The following SF3B3 variants were observed in gnomAD, a reference collection of about 807,000 sequenced individuals.
SF3B3 encodes SAP 130.
SF3B3 carries 33 observed loss-of-function variants against 139.2 expected under a neutral mutation model. That is an observed-to-expected ratio of 0.24 (90% CI 0.18 to 0.32). The LOEUF is 0.32. Ranked by LOEUF, SF3B3 falls within the 10% of genes least tolerant of loss-of-function variation. The pLI is 1.00. For missense variants in SF3B3, 818 were observed against 1,509.4 expected (o/e 0.54, Z 7.59); for synonymous variants, 596 against 563.6 (o/e 1.06, Z -0.81).
chr16:70,556,505 C>G (rs1386454174), intron 14 of SF3B3, 171 bp downstream of exon 14: 2 of 705,966 alleles, frequency 2.8e-6, no homozygotes, highest in Non-Finnish European at 4.8e-6. Flanking sequence ...TCAGGAGTTT[C>G]CTGCTGTGGT....
intron 11 of SF3B3, among the ~76,000 whole-genome samples, chr16:70,551,530 C>T (rs2050325197): frequency 6.6e-6 from 1 of 152,144 alleles, no homozygotes; most frequent in Non-Finnish European, 1.5e-5. Flanking sequence ...TGGAGAAACC[C>T]TGTCTCTACT....
chr16:70,546,200 G>A (rs1474409834), intron 10 of SF3B3, among the ~76,000 whole-genome samples: 3 of 152,016 alleles, frequency 2.0e-5, no homozygotes, highest in Admixed American at 1.3e-4. Flanking sequence ...TGAACTCCTG[G>A]GCTCAAGTGA....
At position 70,534,273 on chromosome 16, in the gene SF3B3, C is replaced by A. The variant is rs75121050; in HGVS notation, c.713-1035C>A. Among the ~76,000 whole-genome samples the A allele has an allele frequency of 4.3e-3, 647 of 152,118 alleles. 16 individuals carry two copies. The East Asian group carries it at 0.071, about 17-fold the overall frequency. On this transcript the variant is annotated intron_variant, in intron 5 of 25. Coordinates refer to ENST00000302516, the MANE Select transcript of SF3B3 (RefSeq NM_012426.5). ...AATACAAGAAATAACATGGTCCATT[C>A]AAATAATTAAAAGCTCATTATGATT...
chr16:70,525,957 CAAAAAAAAAA>C (rs920550920), intron 1 of SF3B3, among the ~76,000 whole-genome samples: 6,355 of 42,280 alleles, frequency 0.15, 192 homozygotes, highest in Non-Finnish European at 0.19. Flanking sequence ...TGAGACGCCT[CAAAAAAAAAA>C]AAAAAAAAAA....
chr16:70,537,134 A>C (rs2050176621), intron 6 of SF3B3, among the ~76,000 whole-genome samples: 1 of 152,148 alleles, frequency 6.6e-6, no homozygotes, highest in African/African-American at 2.4e-5. Flanking sequence ...AGTCTGTCCC[A>C]TAGTTTGTTT....
rs2050566559 is a variant in SF3B3, at chr16:70,575,187, C to CTTTTTTTTCTTTTTTTTTTTT, written c.*3383_*3403dup. ...TTCTCTTTTTTTTCTTTTTCTTTTT[C>CTTTTTTTTCTTTTTTTTTTTT]TTTTTTTTCTTTTTTTTTTTTTTTT... On this transcript the variant is annotated 3_prime_UTR_variant, in exon 26 of 26. Transcript: ENST00000302516. The CTTTTTTTTCTTTTTTTTTTTT allele has an allele frequency of 4.6e-5, 6 of 130,114 alleles. No homozygotes were observed. Among genetic ancestry groups the CTTTTTTTTCTTTTTTTTTTTT allele is most frequent in the Non-Finnish European group, 8.1e-5 (5 of 61,698 alleles). 8.1% of individuals were successfully genotyped at this position (130,114 alleles called of 1,614,324 possible).
chr16:70,524,167 T>G, intron 1 of SF3B3: 1 of 288,798 alleles, frequency 3.5e-6, no homozygotes, highest in Non-Finnish European at 6.3e-6. Flanking sequence ...AGATTGCTTT[T>G]AACTTCTGGG....
intron 13 of SF3B3, among the ~76,000 whole-genome samples, chr16:70,555,477 CAAAAAAAAAAA>C (rs33955800): frequency 5.5e-5 from 4 of 73,114 alleles, no homozygotes; most frequent in Non-Finnish European, 7.8e-5. Flanking sequence ...GACTCCGTCT[CAAAAAAAAAAA>C]AAAAAAAAAA....
chr16:70,566,137 T>C (rs920383275), intron 20 of SF3B3, among the ~76,000 whole-genome samples: 1 of 151,598 alleles, frequency 6.6e-6, no homozygotes, highest in East Asian at 2.0e-4. Context: ...AGATTTAATA[T>C]TCTTTTCCAC....
intron 8 of SF3B3, among the ~76,000 whole-genome samples, chr16:70,541,189 G>C (rs1226261971): frequency 1.3e-5 from 2 of 152,152 alleles, no homozygotes; most frequent in Admixed American, 6.5e-5. Flanking sequence ...GCCTTTCCCC[G>C]GTGATGAGTG....
intron 13 of SF3B3, among the ~76,000 whole-genome samples, chr16:70,555,500 A>AAAAAAAAAAAAAAAAAG (rs1555500454): frequency 1.4e-5 from 2 of 141,466 alleles, no homozygotes; most frequent in Non-Finnish European, 1.5e-5. Context: ...AAAAAAAAAA[A>AAAAAAAAAAAAAAAAAG]GCGAGCTGGA....
At chr16:70,562,140 G>T (rs765860986) in intron 17 of SF3B3, among the ~76,000 whole-genome samples, 1 of 152,194 alleles carries the variant, frequency 6.6e-6, no homozygotes, top group Non-Finnish European at 1.5e-5. Flanking sequence ...GTCATTTGCG[G>T]TATTAAATCT....
Position 70,560,463 on chromosome 16 carries a change from G to T in SF3B3, c.2011-6G>T. On this transcript the variant is annotated splice_region_variant and splice_polypyrimidine_tract_variant and intron_variant, in intron 15 of 25. Transcript: ENST00000302516. ...AGGCTTCACCTGCTCCTCTCCTTTT[G>T]ATTAGAACGGTGTGCTGCTGAGGAC... 1 of 1,613,024 alleles carries T rather than the reference G, an allele frequency of 6.2e-7. No individual in the cohort carries two copies. The highest frequency in any genetic ancestry group is 1.1e-5 in the South Asian group (1 of 90,962).
chr16:70,537,953 G>A, intron 6 of SF3B3: 1 of 504,118 alleles, frequency 2.0e-6, no homozygotes, highest in Non-Finnish European at 3.9e-6. Context: ...GTGCCTTTTA[G>A]GAATCAGGCA....
rs1304814977 is a variant in SF3B3 at position 70,555,321 on chromosome 16, TAC to T, written c.1710+117_1710+118del. ...GGTGAAATCCTGTCTCTACTAAAAA[TAC>T]AAAAATTAGCTGGGCGTGTTGGCAT... On this transcript the variant is annotated intron_variant, in intron 13 of 25. Coordinates refer to ENST00000302516, the MANE Select transcript of SF3B3 (RefSeq NM_012426.5). 5.0e-6 allele frequency: 5 copies of T among 994,036 alleles called. No homozygotes were observed. In the Admixed American group the frequency reaches 1.0e-4, roughly 20 times the overall value. The allele number at this position is 994,036 out of a possible 1,614,324, so 61.6% of individuals were successfully genotyped here. A position where few individuals can be genotyped will look rare whatever the true frequency, so the allele number is the denominator to read the frequency against.
intron 2 of SF3B3, among the ~76,000 whole-genome samples, chr16:70,527,332 G>A (rs956666365): frequency 6.6e-6 from 1 of 152,206 alleles, no homozygotes; most frequent in African/African-American, 2.4e-5. Flanking sequence ...TGAAAGTGAG[G>A]TACTAATGTT....
Position 70,565,532 on chromosome 16 carries a change from T to A in SF3B3, c.2826+8T>A, listed in dbSNP as rs374283290. 1.0e-4 allele frequency: 161 copies of A among 1,608,490 alleles called. 1 individual carries two copies. The highest frequency in any genetic ancestry group is 1.3e-4 in the Non-Finnish European group (157 of 1,176,114). On this transcript the variant is annotated splice_region_variant and intron_variant, in intron 20 of 25. Transcript: ENST00000302516. Reference sequence around the variant, plus strand: ...CTGGAGTTTTTGCACAAGGTAGGAATCTGCCAGTGGTTCTCCTAGATTTTA... The same window carrying A: ...CTGGAGTTTTTGCACAAGGTAGGAAACTGCCAGTGGTTCTCCTAGATTTTA...
At chr16:70,543,027 G>C (rs894120458) in intron 9 of SF3B3, among the ~76,000 whole-genome samples, 2 of 152,044 alleles carry the variant, frequency 1.3e-5, no homozygotes, top group Non-Finnish European at 2.9e-5. Context: ...CCGGCCAAGT[G>C]TGACTAATTT....
chr16:70,533,213 G>T (rs1356428637), intron 5 of SF3B3, among the ~76,000 whole-genome samples: 1 of 152,064 alleles, frequency 6.6e-6, no homozygotes, highest in African/African-American at 2.4e-5. Flanking sequence ...TTCTCGGCTG[G>T]GCATGGTGGC....
Sources: allele counts gnomAD v4.1 joint callset (sites outside exome capture counted in the v4.1 genomes callset), GRCh38; gene constraint gnomAD v4.1.1; transcripts MANE v1.5; gene names NCBI Gene and HGNC (gene_info 2026-07-23, HGNC 2026-07-21).